Variants in TKT observed in about 807,000 individuals in gnomAD.
The protein encoded by TKT is transketolase, also known as epididymis luminal protein 107.
A neutral mutation model predicts 63.9 loss-of-function variants in TKT; 47 were observed. The observed-to-expected ratio is 0.74, with a 90% CI of 0.58 to 0.94. TKT has a LOEUF of 0.94. Ranked by LOEUF, TKT falls within the 40% of genes least tolerant of loss-of-function variation. TKT has a pLI of 0.00. For missense variants in TKT, 721 were observed against 846.2 expected, an observed-to-expected ratio of 0.85 and a Z score of 1.84; for synonymous variants, 338 against 334.1, an observed-to-expected ratio of 1.01 and a Z score of -0.13.
At chr3:53,228,815 T>C (rs1471819524) in intron 10 of TKT, 192 bp downstream of exon 10, 6 of 776,328 alleles carry the variant, frequency 7.7e-6, no homozygotes, top group Non-Finnish European at 1.2e-5. Flanking sequence ...CAGTTGACAA[T>C]GTCTGCCACG....
At chr3:53,246,194 G>A (rs1705494652) in intron 1 of TKT, among the ~76,000 whole-genome samples, 1 of 152,154 alleles carries the variant, frequency 6.6e-6, no homozygotes, top group East Asian at 1.9e-4. Flanking sequence ...CTTGAACCCA[G>A]GAGGCTGAGG....
chr3:53,231,581 T>A, intron 6 of TKT, 31 bp from the exon 7 acceptor site: 1 of 1,590,110 alleles, frequency 6.3e-7, no homozygotes, highest in Non-Finnish European at 8.6e-7. Flanking sequence ...GACAGAGGAA[T>A]GGGTAAGACA....
chr3:53,232,100 G>C (rs1307397387), intron 6 of TKT: 1 of 365,902 alleles, frequency 2.7e-6, no homozygotes, highest in Non-Finnish European at 4.9e-6. Context: ...CGGCCAGGAA[G>C]GCTGAATATC....
At chr3:53,238,892 G>GC (rs1705150546) in intron 4 of TKT, among the ~76,000 whole-genome samples, 1 of 152,246 alleles carries the variant, frequency 6.6e-6, no homozygotes, top group African/African-American at 2.4e-5. Context: ...ACAGGGCCTA[G>GC]CCCCCAAAGG....
intron 1 of TKT, among the ~76,000 whole-genome samples, chr3:53,251,293 C>T (rs1453940406): frequency 1.3e-5 from 2 of 152,248 alleles, no homozygotes; most frequent in African/African-American, 2.4e-5. Flanking sequence ...GATAACACCA[C>T]AGTCTGGCCC....
At chr3:53,230,319 T>G in intron 8 of TKT, 138 bp downstream of exon 8, 2 of 1,137,238 alleles carry the variant, frequency 1.8e-6, no homozygotes, top group East Asian at 4.9e-5. Context: ...GGGTTAACGC[T>G]GGGTCCTGGC....
At chr3:53,235,974 A>T (rs1705011560) in intron 4 of TKT, among the ~76,000 whole-genome samples, 1 of 34,724 alleles carries the variant, frequency 2.9e-5, no homozygotes, top group Non-Finnish European at 8.9e-5. Flanking sequence ...GGGGTAGCAG[A>T]GGGACGGCAG....
At position 53,230,305 on chromosome 3, in the gene TKT, T is replaced by TC; in HGVS notation, c.1107+151dup. The TC allele has an allele frequency of 3.1e-6, 3 of 976,450 alleles. No homozygotes were observed. In the South Asian group the frequency reaches 4.8e-5, roughly 16 times the overall value. The allele number at this position is 976,450 out of a possible 1,614,324, so 60.5% of individuals were successfully genotyped here. On this transcript the variant is annotated intron_variant, in intron 8 of 13. Coordinates refer to ENST00000462138, the MANE Select transcript of TKT (RefSeq NM_001064.4). ...CCTCCCAAACTGTGGCTGTTCAAGG[T>TC]CAGGGGTTAACGCTGGGTCCTGGCT...
chr3:53,229,194 G>A (rs1704632611), intron 9 of TKT, 57 bp from the exon 10 acceptor site: 2 of 1,613,380 alleles, frequency 1.2e-6, no homozygotes, highest in African/African-American at 1.3e-5. Flanking sequence ...CCATCCATGG[G>A]CTGGAATCCT....
intron 1 of TKT, among the ~76,000 whole-genome samples, chr3:53,253,300 TTCTC>T (rs549993750): frequency 9.9e-5 from 15 of 151,634 alleles, no homozygotes; most frequent in African/African-American, 1.2e-4. Context: ...CTTTCTTTCT[TTCTC>T]TCTCTCTCTC....
chr3:53,227,125 C>G lies in TKT; in HGVS notation c.1574-247G>C, dbSNP rs144137948. 2.2e-4 allele frequency: 99 copies of G among 458,036 alleles called. No homozygotes were observed. The East Asian group carries it at 4.0e-3, about 19-fold the overall frequency. The allele number at this position is 458,036 out of a possible 1,614,324, so 28.4% of individuals were successfully genotyped here. ...CAGTATCCAAGAACCCAGAGCGGAGCGTGCAGGCCCTGAGCGCCTTCCCTC... is the reference window on the plus strand; with the variant it reads ...CAGTATCCAAGAACCCAGAGCGGAGGGTGCAGGCCCTGAGCGCCTTCCCTC... On this transcript the variant is annotated intron_variant, in intron 12 of 13. Transcript: ENST00000462138.
intron 1 of TKT, among the ~76,000 whole-genome samples, chr3:53,245,802 T>C (rs1442793044): frequency 6.6e-6 from 1 of 151,968 alleles, no homozygotes; most frequent in Non-Finnish European, 1.5e-5. Context: ...ATAACAATAA[T>C]GAAAATAATT....
At chr3:53,232,508 C>T in intron 6 of TKT, 1 of 398,736 alleles carries the variant, frequency 2.5e-6, no homozygotes, top group Non-Finnish European at 4.4e-6. Flanking sequence ...TAGACTTCCT[C>T]TGTCCCCGGG....
intron 13 of TKT, 50 bp from the exon 14 acceptor site, chr3:53,225,981 T>C (rs1704483238): frequency 6.4e-7 from 1 of 1,552,130 alleles, no homozygotes; most frequent in Non-Finnish European, 8.8e-7. Flanking sequence ...GGGTGAGCAG[T>C]GGTGGGCCCA....
Position 53,231,544 on chromosome 3 carries a change from T to A in TKT, c.755A>T (p.Glu252Val). ...CTTCCCATGCCAAGACTCCTTATCT[T>A]CTACCCCTGCAGACCCAACACGGGA... ...TFKGRGITGV[E>V]DKESWHGKPL... The change falls in exon 7 of 14, where the codon GAA becomes GTA. Residue 252 changes from glutamate (E) to valine (V), a missense_variant. Transcript: ENST00000462138. 1 of 1,613,602 alleles carries A rather than the reference T, an allele frequency of 6.2e-7. No individual in the cohort carries two copies. Among genetic ancestry groups the A allele is most frequent in the South Asian group, 1.1e-5 (1 of 91,020 alleles).
intron 5 of TKT, 58 bp from the exon 6 acceptor site, chr3:53,233,332 C>A: frequency 7.1e-7 from 1 of 1,406,626 alleles, no homozygotes; most frequent in African/African-American, 1.4e-5. Flanking sequence ...CACCGAGGAG[C>A]CTTCCAGGGA....
intron 4 of TKT, among the ~76,000 whole-genome samples, chr3:53,236,385 C>T (rs1394337450): frequency 1.3e-5 from 2 of 152,354 alleles, no homozygotes; most frequent in East Asian, 3.9e-4. Flanking sequence ...GCCAGGAGCA[C>T]TCCCTGCAGC....
chr3:53,233,347 T>C, intron 5 of TKT, 73 bp from the exon 6 acceptor site: 2 of 1,295,162 alleles, frequency 1.5e-6, no homozygotes, highest in Non-Finnish European at 2.1e-6. Context: ...CAGGGAAAGG[T>C]CTGCCTTGGC....
At chr3:53,235,222 C>G (rs781795265) in intron 4 of TKT, 48 bp from the exon 5 acceptor site, 22 of 1,515,810 alleles carry the variant, frequency 1.5e-5, no homozygotes, top group Non-Finnish European at 1.9e-5. Flanking sequence ...CTGGACCCAG[C>G]TGGCTCCCAC....
Sources: gnomAD v4.1 joint callset for allele counts (sites outside exome capture counted in the v4.1 genomes callset) on GRCh38, gnomAD v4.1.1 for gene constraint, MANE v1.5 for transcripts, NCBI Gene and HGNC (gene_info 2026-07-23, HGNC 2026-07-21) for gene names.